Variants in PLXNA1 observed in about 807,000 individuals in gnomAD.
PLXNA1 encodes plexin-A1.
In PLXNA1, 77 loss-of-function variants were observed where a neutral mutation model predicts 191.7. That is an observed-to-expected ratio of 0.40 (90% CI 0.33 to 0.49). PLXNA1 has a LOEUF of 0.49. PLXNA1 is among the 20% of genes least tolerant of loss of function. PLXNA1 has a pLI of 0.63. For missense variants in PLXNA1, 2,110 were observed against 2,660.2 expected, an observed-to-expected ratio of 0.79 and a Z score of 4.55; for synonymous variants, 1,137 against 1,156.4, an observed-to-expected ratio of 0.98 and a Z score of 0.34.
rs2079249211 is a variant in PLXNA1, at chr3:127,037,285, C to T, written c.*3268C>T. On this transcript the variant is annotated 3_prime_UTR_variant, in exon 32 of 32. Transcript: ENST00000393409. Reference sequence around the variant, plus strand: ...AGCACCGCTGACTGTGGGCCCGGCCCTCAGATGTGTACATATACGGCTATT... The same window carrying T: ...AGCACCGCTGACTGTGGGCCCGGCCTTCAGATGTGTACATATACGGCTATT... 1 of 152,626 alleles carries T rather than the reference C, an allele frequency of 6.6e-6. No homozygotes were observed. The highest frequency in any genetic ancestry group is 1.5e-5 in the Non-Finnish European group (1 of 68,048). The allele number at this position is 152,626 out of a possible 1,614,324, so 9.5% of individuals were successfully genotyped here. A position where few individuals can be genotyped will look rare whatever the true frequency, so the allele number is the denominator to read the frequency against.
intron 1 of PLXNA1, among the ~76,000 whole-genome samples, chr3:126,986,447 TGGGTGTGTGCTGTGCACACACTGGGCA>T (rs900673308): frequency 2.0e-5 from 3 of 152,162 alleles, no homozygotes; most frequent in African/African-American, 7.2e-5. Flanking sequence ...ACCTGAGCAG[TGGGTGTGTGCTGTGCACACACTGGGCA>T]GGGAGTGTGT....
intron 3 of PLXNA1, among the ~76,000 whole-genome samples, chr3:126,998,132 C>T (rs1404067925): frequency 2.0e-5 from 3 of 152,202 alleles, no homozygotes; most frequent in African/African-American, 7.2e-5. Context: ...AGGGCCAAAG[C>T]TCAGAGGTGC....
At chr3:127,031,649 G>A (rs1366111823) in intron 29 of PLXNA1, among the ~76,000 whole-genome samples, 1 of 152,284 alleles carries the variant, frequency 6.6e-6, no homozygotes, top group South Asian at 2.1e-4. Flanking sequence ...ACCCCAACCT[G>A]TCCCAGCTCC....
Position 127,014,492 on chromosome 3 carries a change from G to A in PLXNA1, c.2619G>A (p.Thr873=), listed in dbSNP as rs185115116. The A allele has an allele frequency of 2.3e-5, 37 of 1,604,168 alleles. No individual in the cohort carries two copies. Among genetic ancestry groups the A allele is most frequent in the Middle Eastern group, 1.6e-4 (1 of 6,062 alleles). ...DPKILKLSPE[T]GPRQGGTRLT... The stretch of plus-strand genomic sequence containing the variant: ...GCCTCCCTCAGCTGTCCCCCGAGAC[G>A]GGCCCGAGGCAGGGCGGCACGCGGC... The change falls in exon 13 of 32, where the codon ACG becomes ACA. Residue 873 remains threonine, a synonymous_variant. Transcript: ENST00000393409.
intron 21 of PLXNA1, 54 bp from the exon 22 acceptor site, chr3:127,022,031 T>TGGGGGC: frequency 6.3e-7 from 1 of 1,578,756 alleles, no homozygotes; most frequent in Non-Finnish European, 8.6e-7. Context: ...CTGGTCAGCT[T>TGGGGGC]GGGGGCTGGG....
intron 3 of PLXNA1, 64 bp from the exon 4 acceptor site, chr3:127,003,266 G>A (rs57044608): frequency 5.4e-6 from 8 of 1,486,056 alleles, no homozygotes; most frequent in Middle Eastern, 1.8e-4. Context: ...GACCTTCTGT[G>A]GGGGGTGGGG....
At chr3:127,008,992 C>T (rs1426745802) in intron 9 of PLXNA1, among the ~76,000 whole-genome samples, 1 of 152,116 alleles carries the variant, frequency 6.6e-6, no homozygotes, top group Non-Finnish European at 1.5e-5. Flanking sequence ...TCTGGGGGTG[C>T]GGCCTGCCTG....
At chr3:126,987,686 G>A (rs1312997100) in intron 1 of PLXNA1, among the ~76,000 whole-genome samples, 5 of 152,186 alleles carry the variant, frequency 3.3e-5, no homozygotes, top group Non-Finnish European at 7.3e-5. Flanking sequence ...GGAGTTGGGT[G>A]TGAGGCTGGG....
intron 16 of PLXNA1, 26 bp from the exon 17 acceptor site, chr3:127,016,918 A>G: frequency 1.3e-6 from 2 of 1,578,622 alleles, no homozygotes; most frequent in Non-Finnish European, 1.7e-6. Context: ...TCATTTGGTG[A>G]CCCCCCCACC....
chr3:127,036,772 CT>C lies in PLXNA1; in HGVS notation c.*2756del, dbSNP rs1174127915. ...GGGCTGCGGCACATGTGCTGTGAAA[CT>C]GGCACCCACCTGGCGTGCTGCTGCC... On this transcript the variant is annotated 3_prime_UTR_variant, in exon 32 of 32. Transcript: ENST00000393409. 1.3e-5 allele frequency: 2 copies of C among 152,310 alleles called. No homozygotes were observed. Among genetic ancestry groups the C allele is most frequent in the Non-Finnish European group, 2.9e-5 (2 of 68,096 alleles). The allele number at this position is 152,310 out of a possible 1,614,324, so 9.4% of individuals were successfully genotyped here. A position where few individuals can be genotyped will look rare whatever the true frequency, so the allele number is the denominator to read the frequency against.
rs1372988751 is a variant in PLXNA1 at position 127,020,359 on chromosome 3, T to C, written c.4038+15T>C. On this transcript the variant is annotated intron_variant, in intron 21 of 31. Transcript: ENST00000393409. ...AGGAGATGGAGGTAGGACCACTGGC[T>C]CCGGGGGGTCACAGGAACTCAGAGG... 2 of 1,610,808 alleles carry C rather than the reference T, an allele frequency of 1.2e-6. No homozygotes were observed. The highest frequency in any genetic ancestry group is 4.5e-5 in the East Asian group (2 of 44,828).
intron 23 of PLXNA1, among the ~76,000 whole-genome samples, chr3:127,023,181 C>A (rs1330396727): frequency 6.6e-6 from 1 of 152,208 alleles, no homozygotes; most frequent in Admixed American, 6.5e-5. Context: ...CACCACCTGT[C>A]ATGGGGACAG....
At chr3:127,017,061 C>A (rs1158096023) in intron 17 of PLXNA1, 24 bp downstream of exon 17, 1 of 1,595,204 alleles carries the variant, frequency 6.3e-7, no homozygotes, top group Admixed American at 1.7e-5. Context: ...CTCAGCTGCC[C>A]ACCTCGGTCC....
Position 127,011,922 on chromosome 3 carries a change from C to T in PLXNA1, c.2113-36C>T, listed in dbSNP as rs144300282. 4.2e-4 allele frequency: 672 copies of T among 1,592,878 alleles called. 3 individuals carry two copies. In the African/African-American group the frequency reaches 7.3e-3, roughly 17 times the overall value. ...GGGGTGCACCTTGCTCACTGGTCTC[C>T]GCCCCCGGGCTCAGCCAAACTCTTC... On this transcript the variant is annotated intron_variant, in intron 9 of 31. Transcript: ENST00000393409.
At position 127,006,093 on chromosome 3, in the gene PLXNA1, G is replaced by A. The variant is rs1432543450; in HGVS notation, c.1912G>A (p.Val638Met). Residue 638 changes from valine to methionine, a missense_variant, in exon 8 of 32, where the codon GTG becomes ATG. Around this residue, in one of 4 missense-constraint regions of PLXNA1, gnomAD observed 903 missense variants for 1,015.7 expected, o/e 0.89. Transcript: ENST00000393409. ...ITRGQGDQRV[V>M]KLYLKSKETG... ...TGCTCGTGCAGGAGACCAGCGGGTG[G>A]TGAAACTCTACCTAAAGTCCAAGGA... 1 of 1,613,792 alleles carries A rather than the reference G, an allele frequency of 6.2e-7. No individual in the cohort carries two copies. Among genetic ancestry groups the A allele is most frequent in the Non-Finnish European group, 8.5e-7 (1 of 1,179,922 alleles).
At chr3:127,024,221 C>T (rs2079166500) in intron 23 of PLXNA1, among the ~76,000 whole-genome samples, 1 of 152,148 alleles carries the variant, frequency 6.6e-6, no homozygotes, top group Non-Finnish European at 1.5e-5. Context: ...AGACAGGGCT[C>T]AGGGCAGCAA....
chr3:127,028,119 T>C (rs771610158), intron 24 of PLXNA1, 33 bp downstream of exon 24: 1 of 1,613,470 alleles, frequency 6.2e-7, no homozygotes, highest in East Asian at 2.2e-5. Flanking sequence ...CTGGGTGCCC[T>C]GGTGCCCCCC....
chr3:127,000,165 G>A (rs1284693785), intron 3 of PLXNA1, among the ~76,000 whole-genome samples: 2 of 152,082 alleles, frequency 1.3e-5, no homozygotes, highest in African/African-American at 4.8e-5. Context: ...GTGGGAGGGT[G>A]GGCTGTTGGG....
In PLXNA1 at chr3:126,988,679, G is replaced by C. The variant is rs779320185; in HGVS notation, c.86G>C (p.Gly29Ala). The change falls in exon 2 of 32, where the codon GGC (glycine) becomes GCC (alanine). Residue 29 changes from glycine (G) to alanine (A), a missense_variant. By Grantham distance (60) the Gly-to-Ala change is moderately conservative. Around this residue, in one of 4 missense-constraint regions of PLXNA1, gnomAD observed 903 missense variants for 1,015.7 expected, o/e 0.89. Transcript: ENST00000393409. ...CTGCCGGGCATGTGGGCTGAGGCAGGCTTGCCCAGGGCAGGCGGGGGTTCA... is the reference window on the plus strand; with the variant it reads ...CTGCCGGGCATGTGGGCTGAGGCAGCCTTGCCCAGGGCAGGCGGGGGTTCA... ...LLLPGMWAEA[G>A]LPRAGGGSQP... is the part of the protein sequence containing the mutation. 2 of 1,578,464 alleles carry C rather than the reference G, an allele frequency of 1.3e-6. No individual in the cohort carries two copies. The highest frequency in any genetic ancestry group is 1.7e-4 in the Middle Eastern group (1 of 5,888).
Sources: allele counts gnomAD v4.1 joint callset (sites outside exome capture counted in the v4.1 genomes callset), GRCh38; gene constraint gnomAD v4.1.1; regional missense constraint gnomAD v4.1.1; transcripts MANE v1.5; gene names NCBI Gene and HGNC (gene_info 2026-07-23, HGNC 2026-07-21).